The following ELMO1 variants were observed in gnomAD, a reference collection of about 807,000 sequenced individuals.
ELMO1 encodes the protein engulfment and cell motility 1, also known as engulfment and cell motility protein 1.
Under a neutral mutation model 98.9 loss-of-function variants are expected in ELMO1, and 26 were observed. That is an observed-to-expected ratio of 0.26 (90% CI 0.19 to 0.36). The LOEUF is 0.36. Among genes scored for constraint, ELMO1 ranks in the 10% least tolerant of loss-of-function variants. ELMO1 has a pLI of 1.00. For synonymous variants in ELMO1, 346 were observed against 346.0 expected (o/e 1.00, Z 0.00); for missense variants, 627 against 935.2 (o/e 0.67, Z 4.30).
intron 15 of ELMO1, among the ~76,000 whole-genome samples, chr7:37,060,912 AG>A (rs546725325): frequency 3.3e-4 from 50 of 149,634 alleles, no homozygotes; most frequent in African/African-American, 1.2e-3. Context: ...GAGACACAGA[AG>A]GTTTCTGTCC....
At chr7:36,899,684 C>CTTTTTTTTTTTTTTTTTT (rs10522661) in intron 16 of ELMO1, among the ~76,000 whole-genome samples, 1,566 of 63,588 alleles carry the variant, frequency 0.025, 454 homozygotes, top group African/African-American at 0.027. Flanking sequence ...CTTTACTCAT[C>CTTTTTTTTTTTTTTTTTT]TTTTTTTTTT....
chr7:36,983,557 G>A (rs558551307), intron 16 of ELMO1, among the ~76,000 whole-genome samples: 19 of 152,182 alleles, frequency 1.2e-4, no homozygotes, highest in African/African-American at 4.3e-4. Context: ...GATAAACACC[G>A]GCAAGGTCCT....
At chr7:36,856,978 C>T (rs750516834) in intron 21 of ELMO1, among the ~76,000 whole-genome samples, 7 of 152,174 alleles carry the variant, frequency 4.6e-5, no homozygotes, top group Non-Finnish European at 1.0e-4. Flanking sequence ...CAGATCTCAA[C>T]GTAAAAGTAA....
At chr7:36,930,018 T>C (rs540990530) in intron 16 of ELMO1, among the ~76,000 whole-genome samples, 1 of 152,218 alleles carries the variant, frequency 6.6e-6, no homozygotes, top group Admixed American at 6.5e-5. Context: ...TGTTGGTCAT[T>C]AGGTAGCACC....
chr7:37,092,078 A>G (rs118032285), intron 15 of ELMO1, among the ~76,000 whole-genome samples: 21 of 152,274 alleles, frequency 1.4e-4, no homozygotes, highest in African/African-American at 2.4e-4. Flanking sequence ...CAATTATCCA[A>G]TTCAGGCTAT....
At chr7:37,156,268 G>C (rs1210880714) in intron 13 of ELMO1, among the ~76,000 whole-genome samples, 1 of 151,380 alleles carries the variant, frequency 6.6e-6, no homozygotes, top group Non-Finnish European at 1.5e-5. Context: ...AAAAGAACTA[G>C]AGAAAAGTAA....
At chr7:37,390,938 T>C (rs1489645838) in intron 1 of ELMO1, among the ~76,000 whole-genome samples, 1 of 152,166 alleles carries the variant, frequency 6.6e-6, no homozygotes, top group Non-Finnish European at 1.5e-5. Context: ...CCCAACTGAA[T>C]ATGTGATAGA....
chr7:37,367,719 C>A (rs924941137), intron 1 of ELMO1, among the ~76,000 whole-genome samples: 2 of 152,116 alleles, frequency 1.3e-5, no homozygotes, highest in Non-Finnish European at 2.9e-5. Flanking sequence ...GAATCAGAAT[C>A]CTCTAAGTCC....
chr7:37,320,133 T>C (rs1799404849), intron 2 of ELMO1, among the ~76,000 whole-genome samples: 1 of 152,042 alleles, frequency 6.6e-6, no homozygotes, highest in African/African-American at 2.4e-5. Context: ...AACAATTAGC[T>C]GGGCGTGGTG....
At chr7:36,877,952 T>C (rs1804104836) in intron 19 of ELMO1, 58 bp downstream of exon 19, 1 of 1,306,696 alleles carries the variant, frequency 7.7e-7, no homozygotes, top group Non-Finnish European at 1.1e-6. Flanking sequence ...TGATATATTG[T>C]GACTAGGAAA....
chr7:37,402,653 C>G (rs114638902), intron 1 of ELMO1, among the ~76,000 whole-genome samples: 4 of 152,110 alleles, frequency 2.6e-5, no homozygotes, highest in East Asian at 1.9e-4. Context: ...CCATCTGATC[C>G]CTGACTTCTG....
chr7:37,409,689 C>T (rs1211910681), intron 1 of ELMO1, among the ~76,000 whole-genome samples: 1 of 152,144 alleles, frequency 6.6e-6, no homozygotes, highest in Non-Finnish European at 1.5e-5. Context: ...GGCTGGGTTC[C>T]AAGAGCTACA....
At chr7:37,257,457 G>A (rs977423902) in intron 6 of ELMO1, among the ~76,000 whole-genome samples, 3 of 151,482 alleles carry the variant, frequency 2.0e-5, no homozygotes, top group Admixed American at 6.6e-5. Context: ...AGGCACGGTG[G>A]CTCACGCCTG....
At chr7:37,315,063 G>GT in intron 3 of ELMO1, 141 bp from the exon 4 acceptor site, 1 of 686,524 alleles carries the variant, frequency 1.5e-6, no homozygotes, top group Non-Finnish European at 2.4e-6. Context: ...AGTTCCTAAA[G>GT]CAAAATGACT....
At chr7:37,244,415 G>A (rs766188814) in intron 6 of ELMO1, 24 bp from the exon 7 acceptor site, 2 of 1,610,044 alleles carry the variant, frequency 1.2e-6, no homozygotes, top group East Asian at 2.2e-5. Context: ...AAACAACCAT[G>A]TGAGGAGCAT....
intron 15 of ELMO1, among the ~76,000 whole-genome samples, chr7:37,094,941 T>G (rs1189376382): frequency 6.6e-6 from 1 of 152,190 alleles, no homozygotes; most frequent in African/African-American, 2.4e-5. Flanking sequence ...ATCACTCTTA[T>G]GTGTTTACTT....
At chr7:37,384,548 G>A (rs895347233) in intron 1 of ELMO1, among the ~76,000 whole-genome samples, 40 of 152,090 alleles carry the variant, frequency 2.6e-4, no homozygotes, top group Admixed American at 1.7e-3. Context: ...GTGAAACCCC[G>A]TCTCTACTAA....
At chr7:36,952,901 GAA>G (rs1182555727) in intron 16 of ELMO1, among the ~76,000 whole-genome samples, 1 of 149,746 alleles carries the variant, frequency 6.7e-6, no homozygotes. Context: ...ACTGGAGAGT[GAA>G]AGACTCTCAA....
intron 15 of ELMO1, among the ~76,000 whole-genome samples, chr7:37,058,620 G>T (rs1584579143): frequency 6.6e-6 from 1 of 152,118 alleles, no homozygotes. Context: ...CCTTTTGAAG[G>T]TTCTATGAGG....
Sources: gnomAD v4.1 joint callset for allele counts (sites outside exome capture counted in the v4.1 genomes callset) on GRCh38, gnomAD v4.1.1 for gene constraint, MANE v1.5 for transcripts, NCBI Gene and HGNC (gene_info 2026-07-23, HGNC 2026-07-21) for gene names.